The following NUP210L variants were observed in gnomAD, a reference collection of about 807,000 sequenced individuals.
NUP210L encodes nuclear pore membrane glycoprotein 210-like.
A neutral mutation model predicts 208.5 loss-of-function variants in NUP210L; 74 were observed. The ratio of observed to expected loss-of-function variants is 0.35; its 90% CI spans 0.29 to 0.43. The LOEUF (loss-of-function observed/expected upper bound fraction) is 0.43. Among genes scored for constraint, NUP210L ranks in the 20% least tolerant of loss-of-function variants. NUP210L has a pLI of 1.00. For synonymous variants in NUP210L, 780 were observed against 816.9 expected (o/e 0.95, Z 0.77); for missense variants, 1,843 against 2,289.4 (o/e 0.81, Z 3.98).
chr1:154,006,552 G>A (rs920239367), intron 35 of NUP210L, among the ~76,000 whole-genome samples: 1 of 151,302 alleles, frequency 6.6e-6, no homozygotes, highest in Non-Finnish European at 1.5e-5. Flanking sequence ...GGAGTGAAGT[G>A]GCACGATCTC....
intron 30 of NUP210L, 92 bp from the exon 31 acceptor site, chr1:154,023,389 G>A (rs1651677195): frequency 9.7e-7 from 1 of 1,033,108 alleles, no homozygotes; most frequent in Non-Finnish European, 1.4e-6. Context: ...GATAAAGAGT[G>A]ATGTTTCTTT....
exon 30 of NUP210L, chr1:154,025,585 A>G: frequency 1.2e-6 from 2 of 1,613,796 alleles, no homozygotes; most frequent in Non-Finnish European, 1.7e-6. Context: ...AAAAGGTTCT[A>G]TAGAAGTGAC....
At chr1:154,016,952 C>T (rs545372343) in intron 33 of NUP210L, among the ~76,000 whole-genome samples, 2 of 151,342 alleles carry the variant, frequency 1.3e-5, no homozygotes, top group South Asian at 2.1e-4. Context: ...GGCAACAGGG[C>T]GATACTCCAT....
intron 17 of NUP210L, among the ~76,000 whole-genome samples, chr1:154,065,086 TAAATAAAATAAAATAAAATA>T (rs57418988): frequency 5.5e-4 from 74 of 134,616 alleles, no homozygotes; most frequent in East Asian, 1.3e-3. Context: ...AGTAAATAAA[TAAATAAAATAAAATAAAATA>T]AAATAAAATA....
intron 13 of NUP210L, among the ~76,000 whole-genome samples, chr1:154,101,820 A>G: frequency 6.6e-6 from 1 of 152,156 alleles, no homozygotes; most frequent in East Asian, 1.9e-4. Flanking sequence ...ATGAGATATA[A>G]ATGAGAATAT....
chr1:154,013,269 A>G (rs568794647), intron 33 of NUP210L, among the ~76,000 whole-genome samples: 3 of 151,496 alleles, frequency 2.0e-5, no homozygotes, highest in African/African-American at 7.3e-5. Context: ...CCTTTGTATG[A>G]CTCCCTATTA....
chr1:154,089,780 T>C lies in NUP210L; in HGVS notation c.2188-186A>G, dbSNP rs1293649413. ...ATGCTAAAGGGCATTAATAATATCA[T>C]GAAAATTTGAAAACAACTGGAACAT... On this transcript the variant is annotated intron_variant, in intron 15 of 39. Coordinates refer to ENST00000368559, the Ensembl canonical transcript of NUP210L. Among the ~76,000 whole-genome samples, 3 of 151,972 alleles carry C rather than the reference T, an allele frequency of 2.0e-5. No individual in the cohort carries two copies. In the East Asian group the frequency reaches 5.8e-4, roughly 29 times the overall value.
chr1:153,995,300 G>A, intron 37 of NUP210L, 120 bp from the exon 38 acceptor site: 1 of 683,194 alleles, frequency 1.5e-6, no homozygotes, highest in Admixed American at 2.6e-5. Context: ...CCCCCAGGCT[G>A]GAGGGCAGTG....
chr1:154,154,906 G>A, exon 1 of NUP210L: 1 of 1,614,202 alleles, frequency 6.2e-7, no homozygotes, highest in Non-Finnish European at 8.5e-7. Context: ...CGGCCGAAGG[G>A]TAGCAACACC....
chr1:154,015,787 T>C (rs1651208270), intron 33 of NUP210L, among the ~76,000 whole-genome samples: 1 of 151,598 alleles, frequency 6.6e-6, no homozygotes, highest in South Asian at 2.1e-4. Context: ...TGTGCACCTG[T>C]GGTCCCAGCT....
chr1:154,142,303 C>T (rs1205111966), intron 3 of NUP210L, among the ~76,000 whole-genome samples: 1 of 151,970 alleles, frequency 6.6e-6, no homozygotes, highest in East Asian at 1.9e-4. Flanking sequence ...ATACTTCAAC[C>T]TCGGCCTCCC....
chr1:154,092,109 T>C (rs1468037331), intron 15 of NUP210L, among the ~76,000 whole-genome samples: 1 of 144,010 alleles, frequency 6.9e-6, no homozygotes, highest in African/African-American at 2.6e-5. Context: ...GGAGTCTCGC[T>C]CTGTCGCCCA....
At chr1:154,047,438 G>GAC (rs1653246186) in intron 25 of NUP210L, among the ~76,000 whole-genome samples, 1 of 151,966 alleles carries the variant, frequency 6.6e-6, no homozygotes, top group African/African-American at 2.4e-5. Context: ...GCAGCACTGT[G>GAC]ACATGTTCGT....
chr1:154,073,775 A>G (rs1421810073), intron 16 of NUP210L, among the ~76,000 whole-genome samples: 1 of 151,458 alleles, frequency 6.6e-6, no homozygotes, highest in Admixed American at 6.6e-5. Context: ...AGAATGGACC[A>G]CTGCACTCCA....
At chr1:154,142,141 A>G (rs1658881328) in intron 3 of NUP210L, among the ~76,000 whole-genome samples, 1 of 150,058 alleles carries the variant, frequency 6.7e-6, no homozygotes. Flanking sequence ...TGAGTGACAG[A>G]CTCTGTATCC....
chr1:154,018,537 A>G (rs1651389785), intron 33 of NUP210L, among the ~76,000 whole-genome samples: 1 of 152,096 alleles, frequency 6.6e-6, no homozygotes, highest in Admixed American at 6.6e-5. Context: ...TATGTTCTAG[A>G]TATAATCTGT....
At chr1:154,002,161 TAAAAA>T (rs1275339913) in intron 35 of NUP210L, among the ~76,000 whole-genome samples, 176 bp from the exon 36 acceptor site, 3 of 152,098 alleles carry the variant, frequency 2.0e-5, no homozygotes, top group Non-Finnish European at 2.9e-5. Flanking sequence ...GGATGCCAAA[TAAAAA>T]GAAAAATACT....
intron 17 of NUP210L, among the ~76,000 whole-genome samples, chr1:154,067,119 C>T (rs752358193): frequency 5.3e-5 from 8 of 152,030 alleles, no homozygotes; most frequent in South Asian, 2.1e-4. Flanking sequence ...CTGATACCAA[C>T]GCCTGGCAGA....
In NUP210L at chr1:154,045,351, A is replaced by T. The variant is rs536821463; in HGVS notation, c.3696+718T>A. Among the ~76,000 whole-genome samples the T allele has an allele frequency of 2.0e-3, 309 of 152,038 alleles. 1 individual carries two copies. The highest frequency in any genetic ancestry group is 7.3e-3 in the African/African-American group (303 of 41,498). Reference sequence around the variant, plus strand: ...CAACCATGATTATGAATATAATCAAATGTGTGTCTGAACATGATAAAAAAT... The same window carrying T: ...CAACCATGATTATGAATATAATCAATTGTGTGTCTGAACATGATAAAAAAT... On this transcript the variant is annotated intron_variant, in intron 27 of 39. Coordinates refer to ENST00000368559, the Ensembl canonical transcript of NUP210L.
Sources: allele counts gnomAD v4.1 joint callset (sites outside exome capture counted in the v4.1 genomes callset), GRCh38; gene constraint gnomAD v4.1.1; transcripts MANE v1.5; gene names NCBI Gene and HGNC (gene_info 2026-07-23, HGNC 2026-07-21).